LRRC7: variants seen among roughly 807,000 people sequenced by gnomAD.
LRRC7 encodes the protein leucine rich repeat containing 7.
A neutral mutation model predicts 175.7 loss-of-function variants in LRRC7; 23 were observed. The observed-to-expected ratio is 0.13, with a 90% CI of 0.09 to 0.19. The LOEUF (loss-of-function observed/expected upper bound fraction) is 0.19, where lower values mean the gene tolerates loss of function less well. LRRC7 is among the 10% of genes least tolerant of loss of function. LRRC7 has a pLI of 1.00. For missense variants in LRRC7, 1,354 were observed against 1,904.7 expected, an observed-to-expected ratio of 0.71 and a Z score of 5.38; for synonymous variants, 685 against 680.9, an observed-to-expected ratio of 1.01 and a Z score of -0.09.
chr1:69,821,680 G>T (rs1417583922), intron 4 of LRRC7, among the ~76,000 whole-genome samples: 4 of 151,976 alleles, frequency 2.6e-5, no homozygotes, highest in Non-Finnish European at 5.9e-5. Context: ...GATTACCTGA[G>T]GTCAGGAGTT....
chr1:69,654,151 A>G (rs964460020), intron 1 of LRRC7, among the ~76,000 whole-genome samples: 6 of 151,704 alleles, frequency 4.0e-5, no homozygotes, highest in African/African-American at 7.3e-5. Context: ...AAAGCACTAT[A>G]GGACTAGAAT....
chr1:69,994,954 A>G (rs1455836265), intron 11 of LRRC7, among the ~76,000 whole-genome samples: 1 of 152,140 alleles, frequency 6.6e-6, no homozygotes, highest in Admixed American at 6.6e-5. Context: ...TTTTTGACTG[A>G]GTAGCAGCTC....
chr1:70,064,328 C>T (rs569329916), intron 23 of LRRC7, among the ~76,000 whole-genome samples: 1 of 152,058 alleles, frequency 6.6e-6, no homozygotes, highest in South Asian at 2.1e-4. Flanking sequence ...AGAATATCTA[C>T]AGTACATACA....
intron 2 of LRRC7, among the ~76,000 whole-genome samples, chr1:69,700,582 C>T (rs957426779): frequency 4.6e-5 from 7 of 152,200 alleles, no homozygotes; most frequent in African/African-American, 1.4e-4. Context: ...AGGCTGGCTT[C>T]GCTATTTTAT....
chr1:69,756,073 T>G (rs2100917746), intron 2 of LRRC7, among the ~76,000 whole-genome samples: 1 of 151,958 alleles, frequency 6.6e-6, no homozygotes, highest in African/African-American at 2.4e-5. Context: ...GAAAATGATA[T>G]GGCACCTTGA....
intron 14 of LRRC7, among the ~76,000 whole-genome samples, chr1:70,016,741 T>G (rs1571023150): frequency 6.6e-6 from 1 of 152,158 alleles, no homozygotes; most frequent in East Asian, 1.9e-4. Flanking sequence ...CCTTAAATAC[T>G]TCTATTTAAC....
intron 2 of LRRC7, among the ~76,000 whole-genome samples, chr1:69,755,935 A>T (rs1670374368): frequency 6.6e-6 from 1 of 151,926 alleles, no homozygotes; most frequent in Non-Finnish European, 1.5e-5. Flanking sequence ...GGATCACCAG[A>T]TATTTGTGGA....
chr1:69,692,221 A>G (rs1661978161), intron 2 of LRRC7, among the ~76,000 whole-genome samples: 1 of 152,190 alleles, frequency 6.6e-6, no homozygotes, highest in Admixed American at 6.5e-5. Flanking sequence ...CATCTCAAAG[A>G]AAGATGGAGG....
At chr1:69,972,962 T>A (rs1208873558) in intron 8 of LRRC7, among the ~76,000 whole-genome samples, 3 of 145,546 alleles carry the variant, frequency 2.1e-5, no homozygotes, top group African/African-American at 7.5e-5. Context: ...ACTATATATA[T>A]AATACTATAT....
chr1:69,910,102 G>T (rs1454400643), intron 7 of LRRC7, among the ~76,000 whole-genome samples: 1 of 152,084 alleles, frequency 6.6e-6, no homozygotes, highest in African/African-American at 2.4e-5. Flanking sequence ...TAGTTCTCGA[G>T]CCTTGGCTTT....
At position 69,977,341 on chromosome 1, in the gene LRRC7, C is replaced by T. The variant is rs560344416; in HGVS notation, c.712-3038C>T. Among the ~76,000 whole-genome samples, 5 of 152,186 alleles carry T rather than the reference C, an allele frequency of 3.3e-5. No individual in the cohort carries two copies. The South Asian group carries it at 8.3e-4, about 25-fold the overall frequency. ...AAAATATTTTAATTATGCTCCGTCA[C>T]TTATGCAACAAAGTCTATCTCCTTT... On this transcript the variant is annotated intron_variant, in intron 8 of 26. Coordinates refer to ENST00000651989, the MANE Select transcript of LRRC7 (RefSeq NM_001370785.2).
Position 70,133,775 on chromosome 1 carries a change from A to G in LRRC7, c.*11888A>G, listed in dbSNP as rs651298. 0.78 allele frequency among the ~76,000 whole-genome samples: 118,655 copies of G among 152,130 alleles called. 46,922 individuals carry two copies. The highest frequency in any genetic ancestry group is 0.91 in the African/African-American group (37,972 of 41,514). On this transcript the variant is annotated 3_prime_UTR_variant, in exon 27 of 27. Transcript: ENST00000651989. ...CTTAATTGTTCAGTTTAATTATTAT[A>G]CCCACCAGTTTAATAGTTCTTCTCT...
At position 70,143,280 on chromosome 1, in the gene LRRC7, A is replaced by C. The variant is rs1393130075; in HGVS notation, c.*21393A>C. 1 of 151,806 alleles carries C rather than the reference A, an allele frequency of 6.6e-6. No individual in the cohort carries two copies. The highest frequency in any genetic ancestry group is 2.4e-5 in the African/African-American group (1 of 41,354). 9.4% of individuals were successfully genotyped at this position (151,806 alleles called of 1,614,324 possible). On this transcript the variant is annotated 3_prime_UTR_variant, in exon 27 of 27. Transcript: ENST00000651989. ...TGACATCTTAAGGCCAAGTAACCAG[A>C]GCTCCTTTAGCCAGAGAAAGAACTT...
intron 2 of LRRC7, among the ~76,000 whole-genome samples, chr1:69,681,792 G>A (rs912184366): frequency 6.6e-6 from 1 of 152,078 alleles, no homozygotes; most frequent in African/African-American, 2.4e-5. Flanking sequence ...AACCAGTCCA[G>A]TCTGATTCCT....
intron 7 of LRRC7, among the ~76,000 whole-genome samples, chr1:69,909,556 C>G (rs531075549): frequency 1.3e-5 from 2 of 152,164 alleles, no homozygotes; most frequent in East Asian, 3.9e-4. Flanking sequence ...ATATGAAATT[C>G]TGGGTTGAAA....
At chr1:69,582,435 C>T (rs1425960118) in intron 1 of LRRC7, among the ~76,000 whole-genome samples, 1 of 150,586 alleles carries the variant, frequency 6.6e-6, no homozygotes, top group Non-Finnish European at 1.5e-5. Context: ...CTCAGATGTG[C>T]TGTTTTCCTG....
intron 2 of LRRC7, among the ~76,000 whole-genome samples, chr1:69,693,795 C>G (rs1662211407): frequency 6.6e-6 from 1 of 152,196 alleles, no homozygotes; most frequent in Non-Finnish European, 1.5e-5. Flanking sequence ...GGGGTCTGAA[C>G]TGAGTTGCTA....
rs1233469837 is a variant in LRRC7 at position 69,781,721 on chromosome 1, AAGAAAGAAAGAAAGAG to A, written c.304-10318_304-10303del. On this transcript the variant is annotated intron_variant, in intron 3 of 26. Transcript: ENST00000651989. ...AAAGAAAGAAAGAAAGAAAGAAAGA[AAGAAAGAAAGAAAGAG>A]AGAGAGAGAGAGAGAGAGAGAGAGA... 1.2e-3 allele frequency among the ~76,000 whole-genome samples: 40 copies of A among 33,422 alleles called. 1 individual carries two copies. Among genetic ancestry groups the A allele is most frequent in the Non-Finnish European group, 1.7e-3 (33 of 18,930 alleles). 21.9% of individuals were successfully genotyped at this position (33,422 alleles called of 152,430 possible).
chr1:69,642,396 A>C (rs1431574318), intron 1 of LRRC7, among the ~76,000 whole-genome samples: 8 of 152,070 alleles, frequency 5.3e-5, no homozygotes, highest in African/African-American at 1.9e-4. Context: ...CCAAGAAAAA[A>C]GGAAAAGATA....
Sources: gnomAD v4.1 joint callset for allele counts (sites outside exome capture counted in the v4.1 genomes callset) on GRCh38, gnomAD v4.1.1 for gene constraint, MANE v1.5 for transcripts, NCBI Gene and HGNC (gene_info 2026-07-23, HGNC 2026-07-21) for gene names.